Variants in PTPRD observed in about 807,000 individuals in gnomAD.
The protein encoded by PTPRD is protein tyrosine phosphatase receptor type D.
PTPRD carries 34 observed loss-of-function variants against 214.5 expected under a neutral mutation model. The observed-to-expected ratio is 0.16, with a 90% CI of 0.12 to 0.21. The LOEUF (loss-of-function observed/expected upper bound fraction) is 0.21, where lower values mean the gene tolerates loss of function less well. Ranked by LOEUF, PTPRD falls within the 10% of genes least tolerant of loss-of-function variation. The pLI, the probability that PTPRD is intolerant of heterozygous loss-of-function variation, is 1.00. For synonymous variants in PTPRD, 1,128 were observed against 845.7 expected, an observed-to-expected ratio of 1.33 and a Z score of -5.79; for missense variants, 2,545 against 2,398.7, an observed-to-expected ratio of 1.06 and a Z score of -1.27.
chr9:9,390,269 G>T (rs1586865034), intron 9 of PTPRD, among the ~76,000 whole-genome samples: 1 of 152,170 alleles, frequency 6.6e-6, no homozygotes, highest in Non-Finnish European at 1.5e-5. Flanking sequence ...CCATTGTAAG[G>T]ACTTGGCTTT....
chr9:9,041,113 A>C (rs1027059683), intron 10 of PTPRD, among the ~76,000 whole-genome samples: 2 of 152,202 alleles, frequency 1.3e-5, no homozygotes, highest in African/African-American at 4.8e-5. Context: ...CTGATGTATT[A>C]TATTGTTATA....
chr9:9,577,916 C>A (rs976774409), intron 7 of PTPRD, among the ~76,000 whole-genome samples: 1 of 151,498 alleles, frequency 6.6e-6, no homozygotes, highest in Non-Finnish European at 1.5e-5. Flanking sequence ...TATGGTAGTG[C>A]ACACCTGTAG....
chr9:8,478,940 A>G (rs1234720961), intron 30 of PTPRD, among the ~76,000 whole-genome samples: 2 of 152,250 alleles, frequency 1.3e-5, no homozygotes, highest in South Asian at 2.1e-4. Context: ...ACAGGTGTCA[A>G]TCACCAAAAC....
chr9:10,596,979 A>C (rs1288257361), intron 2 of PTPRD, among the ~76,000 whole-genome samples: 2 of 151,460 alleles, frequency 1.3e-5, no homozygotes, highest in Non-Finnish European at 3.0e-5. Context: ...TTTTTAAAGG[A>C]GCTACTTCCA....
At position 8,316,540 on chromosome 9, in the gene PTPRD, T is replaced by C. The variant is rs1161374167; in HGVS notation, c.*1334A>G. 4.3e-6 allele frequency: 1 copy of C among 230,582 alleles called. No individual in the cohort carries two copies. The highest frequency in any genetic ancestry group is 8.6e-6 in the Non-Finnish European group (1 of 116,136). The allele number at this position is 230,582 out of a possible 1,614,324, so 14.3% of individuals were successfully genotyped here. ...AATACACTTTTTTTAAACAACTCGA[T>C]AGCTGATATATTACAACATTCTCCC... On this transcript the variant is annotated 3_prime_UTR_variant, in exon 46 of 46. Coordinates refer to ENST00000381196, the MANE Select transcript of PTPRD (RefSeq NM_002839.4).
chr9:10,098,106 A>G (rs2098511204), intron 3 of PTPRD, among the ~76,000 whole-genome samples: 1 of 151,834 alleles, frequency 6.6e-6, no homozygotes, highest in Admixed American at 6.6e-5. Context: ...ATGTCCAACA[A>G]TGATAGACTG....
intron 12 of PTPRD, chr9:8,713,920 T>A: frequency 1.4e-6 from 1 of 727,824 alleles, no homozygotes. Flanking sequence ...CTTTATCCAC[T>A]GACGCATAAC....
chr9:9,856,794 C>T (rs527320080), intron 5 of PTPRD, among the ~76,000 whole-genome samples: 104 of 152,098 alleles, frequency 6.8e-4, no homozygotes, highest in African/African-American at 2.4e-3. Flanking sequence ...ATGGATGCCC[C>T]CATGGAAAAT....
At chr9:10,319,132 C>A (rs2096502122) in intron 3 of PTPRD, among the ~76,000 whole-genome samples, 1 of 152,008 alleles carries the variant, frequency 6.6e-6, no homozygotes, top group Non-Finnish European at 1.5e-5. Flanking sequence ...CAAGACACCA[C>A]CAGCATAAGC....
chr9:8,886,370 T>C (rs943362015), intron 11 of PTPRD, among the ~76,000 whole-genome samples: 2 of 152,222 alleles, frequency 1.3e-5, no homozygotes, highest in Non-Finnish European at 2.9e-5. Flanking sequence ...ACTCACCTTA[T>C]TGGCCTATGC....
chr9:10,309,298 A>G (rs2096193725), intron 3 of PTPRD, among the ~76,000 whole-genome samples: 1 of 151,856 alleles, frequency 6.6e-6, no homozygotes, highest in Non-Finnish European at 1.5e-5. Flanking sequence ...AATTTCATAA[A>G]TACTATTCCT....
At chr9:9,248,446 C>T (rs1305052448) in intron 9 of PTPRD, among the ~76,000 whole-genome samples, 2 of 151,948 alleles carry the variant, frequency 1.3e-5, no homozygotes, top group Non-Finnish European at 2.9e-5. Context: ...TTGTAATTAT[C>T]TTGGTAACAA....
At chr9:9,048,503 A>G (rs1042420977) in intron 10 of PTPRD, among the ~76,000 whole-genome samples, 1 of 152,188 alleles carries the variant, frequency 6.6e-6, no homozygotes, top group Non-Finnish European at 1.5e-5. Context: ...TGATTTGTGA[A>G]AACGTGGATG....
intron 6 of PTPRD, among the ~76,000 whole-genome samples, chr9:9,754,244 G>C (rs1346767813): frequency 2.0e-5 from 3 of 152,016 alleles, no homozygotes; most frequent in Non-Finnish European, 4.4e-5. Context: ...ATGACTTCCT[G>C]GTTCTAGTTT....
intron 4 of PTPRD, among the ~76,000 whole-genome samples, chr9:10,032,974 A>G (rs1194835303): frequency 2.0e-5 from 3 of 151,948 alleles, no homozygotes; most frequent in African/African-American, 4.8e-5. Flanking sequence ...CACTAATCAG[A>G]AAGTGAGGGC....
At chr9:8,702,862 C>T (rs2098121019) in intron 12 of PTPRD, among the ~76,000 whole-genome samples, 1 of 152,190 alleles carries the variant, frequency 6.6e-6, no homozygotes, top group South Asian at 2.1e-4. Flanking sequence ...CCGCCTCGGC[C>T]TCCCAAAGTG....
intron 11 of PTPRD, among the ~76,000 whole-genome samples, chr9:8,997,829 C>G (rs991092744): frequency 6.6e-6 from 1 of 152,062 alleles, no homozygotes; most frequent in African/African-American, 2.4e-5. Flanking sequence ...AATTAAAAGT[C>G]TACTCCAGTG....
At chr9:9,071,851 T>A (rs965104073) in intron 10 of PTPRD, among the ~76,000 whole-genome samples, 1 of 152,154 alleles carries the variant, frequency 6.6e-6, no homozygotes, top group Non-Finnish European at 1.5e-5. Flanking sequence ...TACTCTAATA[T>A]AGAAAAGTAA....
At chr9:9,807,766 CAT>C (rs1171340463) in intron 5 of PTPRD, among the ~76,000 whole-genome samples, 3 of 152,082 alleles carry the variant, frequency 2.0e-5, no homozygotes, top group East Asian at 1.9e-4. Context: ...TCCTGGAAAA[CAT>C]AGGATTTCTA....
Sources: gnomAD v4.1 joint callset for allele counts (sites outside exome capture counted in the v4.1 genomes callset) on GRCh38, gnomAD v4.1.1 for gene constraint, MANE v1.5 for transcripts, NCBI Gene and HGNC (gene_info 2026-07-23, HGNC 2026-07-21) for gene names.